The following NUMA1 variants were observed in gnomAD, a reference collection of about 807,000 sequenced individuals.
The protein encoded by NUMA1 is SP-H antigen.
In NUMA1, 62 loss-of-function variants were observed where a neutral mutation model predicts 237.1. That is an observed-to-expected ratio of 0.26 (90% confidence interval 0.21 to 0.32). The LOEUF (loss-of-function observed/expected upper bound fraction) is 0.32. NUMA1 is among the 10% of genes least tolerant of loss of function. The pLI, the probability that NUMA1 is intolerant of heterozygous loss-of-function variation, is 1.00. For synonymous variants in NUMA1, 1,028 were observed against 1,066.1 expected (o/e 0.96, Z 0.70); for missense variants, 2,533 against 2,666.5 (o/e 0.95, Z 1.10).
At chr11:72,005,410 C>T (rs372808800) in intron 22 of NUMA1, 41 bp from the exon 23 acceptor site, 66 of 1,589,298 alleles carry the variant, frequency 4.2e-5, no homozygotes, top group Non-Finnish European at 4.8e-5. Context: ...AGCCTGGAGT[C>T]GGCAGGTCAC....
rs778842312 is a variant in NUMA1 at position 72,005,062 on chromosome 11, A to G, written c.5829+171T>C. Among the ~76,000 whole-genome samples, 10 of 151,886 alleles carry G rather than the reference A, an allele frequency of 6.6e-5. 1 individual carries two copies. Among genetic ancestry groups the G allele is most frequent in the Non-Finnish European group, 8.8e-5 (6 of 67,954 alleles). ...GCTCCTGCCTACCCCAAGGGACTTC[A>G]CCCCTGAGTGCCCTCCCAGCTGTCT... On this transcript the variant is annotated intron_variant, in intron 23 of 26. Transcript: ENST00000393695.
At chr11:72,045,718 G>A (rs1346374809) in intron 2 of NUMA1, among the ~76,000 whole-genome samples, 5 of 152,202 alleles carry the variant, frequency 3.3e-5, no homozygotes, top group South Asian at 4.2e-4. Context: ...GGGCTCAAGC[G>A]ATCTGCCTGC....
chr11:72,008,936 A>C (rs1955945847), intron 19 of NUMA1, 31 bp downstream of exon 19: 6 of 1,612,636 alleles, frequency 3.7e-6, no homozygotes, highest in Non-Finnish European at 5.1e-6. Flanking sequence ...GTGGAATAGG[A>C]GTGAGGTGAG....
chr11:72,028,900 G>A lies in NUMA1; in HGVS notation c.128+305C>T, dbSNP rs558779595. On this transcript the variant is annotated intron_variant, in intron 4 of 26. Coordinates refer to ENST00000393695, the MANE Select transcript of NUMA1 (RefSeq NM_006185.4). ...GTAGAAGCCTTCTGGTGAGACAAGA[G>A]ATGGGGAACCCAAGAGTGAGCACTT... is the stretch of plus-strand genomic sequence containing the variant. 2.0e-5 allele frequency among the ~76,000 whole-genome samples: 3 copies of A among 152,336 alleles called. No individual in the cohort carries two copies. In the East Asian group the frequency reaches 5.8e-4, roughly 29 times the overall value.
In NUMA1 at chr11:72,013,787, C is replaced by T. The variant is rs755623798; in HGVS notation, c.3716G>A (p.Arg1239His). 9.3e-6 allele frequency: 15 copies of T among 1,609,888 alleles called. 1 individual carries two copies. The highest frequency in any genetic ancestry group is 8.8e-5 in the South Asian group (8 of 91,086). Residue 1239 changes from arginine (R) to histidine (H), a missense_variant, in exon 15 of 27, where the codon CGC becomes CAC. Around this residue, in one of 3 missense-constraint regions of NUMA1, gnomAD observed 324 missense variants for 407.6 expected, o/e 0.79. Coordinates refer to ENST00000393695, the MANE Select transcript of NUMA1 (RefSeq NM_006185.4). This position sits in a 1 kb window ranked among gnomAD's most constrained non-coding sequence, Gnocchi z 6.8. Reference protein sequence around the residue: ...SLEEEVSILNRQVLEKEGESK... With the variant: ...SLEEEVSILNHQVLEKEGESK... The stretch of plus-strand genomic sequence containing the variant: ...CTCCCCCTCCTTCTCCAGGACCTGG[C>T]GATTCAGGATGGACACCTCCTCCTC...
chr11:72,005,214 C>T lies in NUMA1; in HGVS notation c.5829+19G>A, dbSNP rs752683849. The T allele has an allele frequency of 3.8e-6, 6 of 1,573,736 alleles. No individual in the cohort carries two copies. The highest frequency in any genetic ancestry group is 5.2e-6 in the Non-Finnish European group (6 of 1,162,690). On this transcript the variant is annotated intron_variant, in intron 23 of 26. Coordinates refer to ENST00000393695, the MANE Select transcript of NUMA1 (RefSeq NM_006185.4). ...GAGGGCAGGGATGGGAGGCCCTGCA[C>T]AGTGACCCCAGGCCTCACCCTGGAC... is the stretch of plus-strand genomic sequence containing the variant.
intron 12 of NUMA1, 48 bp downstream of exon 12, chr11:72,018,135 C>T (rs1347623294): frequency 7.3e-7 from 1 of 1,362,400 alleles, no homozygotes; most frequent in South Asian, 1.2e-5. Context: ...CCTTCCAGAC[C>T]ACCTCAGCCC....
intron 2 of NUMA1, among the ~76,000 whole-genome samples, chr11:72,062,871 G>C (rs949876138): frequency 2.0e-5 from 3 of 151,756 alleles, no homozygotes; most frequent in African/African-American, 7.3e-5. Context: ...TCAAGAGTTT[G>C]AAACCAGCCT....
intron 1 of NUMA1, among the ~76,000 whole-genome samples, chr11:72,075,315 C>T (rs1943659922): frequency 6.6e-6 from 1 of 152,280 alleles, no homozygotes; most frequent in East Asian, 1.9e-4. Flanking sequence ...AAGGGGAAAA[C>T]AGAAGACAAG....
At position 72,016,397 on chromosome 11, in the gene NUMA1, T is replaced by C. The variant is rs780881955; in HGVS notation, c.1242+11A>G. On this transcript the variant is annotated intron_variant, in intron 14 of 26. Coordinates refer to ENST00000393695, the MANE Select transcript of NUMA1 (RefSeq NM_006185.4). ...AACCAGCAGCACACAGGTCTTTCTG[T>C]GCATTCCTACCTGCAAGACATCACC... The C allele has an allele frequency of 5.6e-6, 9 of 1,613,316 alleles. No individual in the cohort carries two copies. Among genetic ancestry groups the C allele is most frequent in the Non-Finnish European group, 7.6e-6 (9 of 1,179,770 alleles).
At position 72,018,780 on chromosome 11, in the gene NUMA1, C is replaced by T. The variant is rs374844944; in HGVS notation, c.742+43G>A. 1.6e-5 allele frequency: 26 copies of T among 1,587,560 alleles called. No homozygotes were observed. The Admixed American group carries it at 2.1e-4, about 13-fold the overall frequency. ...CATGGGAGGCCAGGGGACATCCTTC[C>T]GGCAAGTCTATTCACACATCTGCCA... On this transcript the variant is annotated intron_variant, in intron 10 of 26. Transcript: ENST00000393695.
chr11:72,035,690 C>T (rs981516847), intron 3 of NUMA1, among the ~76,000 whole-genome samples: 8 of 152,124 alleles, frequency 5.3e-5, no homozygotes, highest in Non-Finnish European at 1.2e-4. Context: ...GGATTACAGG[C>T]ATAAGCTCCG....
chr11:72,016,199 C>T lies in NUMA1; in HGVS notation c.1304G>A (p.Arg435Lys), dbSNP rs1340552348. The part of the protein sequence containing the change: ...LAANNTQLQA[R>K]VEMLETERGQ... The stretch of plus-strand genomic sequence containing the variant: ...TCGCTCAGTCTCCAGCATCTCTACC[C>T]TGGCTTGGAGCTGTGTGTTGTTTGC... Residue 435 changes from arginine to lysine, a missense_variant, in exon 15 of 27, where the codon AGG becomes AAG. Coordinates refer to ENST00000393695, the MANE Select transcript of NUMA1 (RefSeq NM_006185.4). 1 of 1,611,138 alleles carries T rather than the reference C, an allele frequency of 6.2e-7. No homozygotes were observed. Among genetic ancestry groups the T allele is most frequent in the Non-Finnish European group, 8.5e-7 (1 of 1,177,950 alleles).
chr11:72,009,918 C>T (rs1172744160), intron 17 of NUMA1, among the ~76,000 whole-genome samples: 1 of 152,162 alleles, frequency 6.6e-6, no homozygotes, highest in Non-Finnish European at 1.5e-5. Flanking sequence ...CTCCAAAAGC[C>T]CATGGGGGCT....
intron 10 of NUMA1, 102 bp from the exon 11 acceptor site, chr11:72,018,615 A>C (rs893762487): frequency 1.8e-6 from 2 of 1,107,804 alleles, no homozygotes; most frequent in Admixed American, 2.0e-5. Flanking sequence ...AGGAGACGGC[A>C]TAGGGAAGAG....
intron 22 of NUMA1, 181 bp downstream of exon 22, chr11:72,005,854 G>A (rs1015805696): frequency 5.6e-5 from 34 of 608,650 alleles, no homozygotes; most frequent in Non-Finnish European, 8.4e-5. Context: ...CCCCAACACA[G>A]CCAGCCCCTA....
At chr11:72,064,330 G>T (rs1457864278) in intron 2 of NUMA1, among the ~76,000 whole-genome samples, 1 of 151,780 alleles carries the variant, frequency 6.6e-6, no homozygotes, top group Non-Finnish European at 1.5e-5. Context: ...GGGCATGATG[G>T]CATGCGCCTG....
intron 1 of NUMA1, among the ~76,000 whole-genome samples, chr11:72,079,839 T>C (rs1943982415): frequency 6.7e-6 from 1 of 149,986 alleles, no homozygotes; most frequent in Admixed American, 6.6e-5. Context: ...TGTTTACATA[T>C]ATGAAAAGTG....
intron 2 of NUMA1, chr11:72,066,561 T>C (rs1943210517): frequency 6.6e-6 from 1 of 152,220 alleles, no homozygotes; most frequent in Non-Finnish European, 1.5e-5. Context: ...CCTTTGCCCA[T>C]GGTGTGACCT....
Sources: gnomAD v4.1 joint callset for allele counts (sites outside exome capture counted in the v4.1 genomes callset) on GRCh38, gnomAD v4.1.1 for gene constraint, gnomAD v4.1.1 regional missense constraint, Gnocchi (gnomAD v3.1) non-coding constraint, MANE v1.5 for transcripts, NCBI Gene and HGNC (gene_info 2026-07-23, HGNC 2026-07-21) for gene names.